Variants in ARHGAP10 observed in about 807,000 individuals in gnomAD.
The protein encoded by ARHGAP10 is Rho GTPase activating protein 10, also known as rho GTPase-activating protein 10.
Under a neutral mutation model 108.6 loss-of-function variants are expected in ARHGAP10, and 87 were observed. The ratio of observed to expected loss-of-function variants is 0.80; its 90% CI spans 0.67 to 0.96. The LOEUF is 0.96. Among genes scored for constraint, ARHGAP10 ranks in the 40% least tolerant of loss-of-function variants. The pLI is 0.00. For synonymous variants in ARHGAP10, 347 were observed against 341.1 expected (o/e 1.02, Z -0.19); for missense variants, 939 against 954.5 (o/e 0.98, Z 0.21).
chr4:148,058,290 G>A (rs1426093778), intron 20 of ARHGAP10, among the ~76,000 whole-genome samples: 1 of 152,094 alleles, frequency 6.6e-6, no homozygotes, highest in African/African-American at 2.4e-5. Context: ...ATCTTTCATT[G>A]CAGTGCAAAC....
intron 11 of ARHGAP10, among the ~76,000 whole-genome samples, chr4:147,908,404 G>C (rs1015602116): frequency 4.6e-5 from 7 of 152,180 alleles, no homozygotes. Context: ...AAATGAGTCT[G>C]TTGGCAATGT....
At chr4:147,894,530 GAGA>G (rs1218757980) in intron 10 of ARHGAP10, among the ~76,000 whole-genome samples, 4 of 152,100 alleles carry the variant, frequency 2.6e-5, no homozygotes, top group African/African-American at 9.7e-5. Context: ...GTCTTTTGAT[GAGA>G]AGAACATTTT....
chr4:147,946,549 G>A (rs756322950), intron 14 of ARHGAP10, 68 bp from the exon 15 acceptor site: 27 of 1,358,116 alleles, frequency 2.0e-5, no homozygotes, highest in Non-Finnish European at 2.6e-5. Context: ...GAAGCTTTGT[G>A]AGCTAGACAA....
At position 147,801,498 on chromosome 4, in the gene ARHGAP10, AGTGAATAACATGCTGTGTTT is replaced by A. The variant is rs1180303394; in HGVS notation, c.155-21226_155-21207del. Among the ~76,000 whole-genome samples, 67 of 152,344 alleles carry A rather than the reference AGTGAATAACATGCTGTGTTT, an allele frequency of 4.4e-4. 2 individuals carry two copies. The East Asian group carries it at 6.0e-3, about 14-fold the overall frequency. On this transcript the variant is annotated intron_variant, in intron 1 of 22. Transcript: ENST00000336498. ...GAATCCAGTGTTCAATTATATTAAG[AGTGAATAACATGCTGTGTTT>A]GTTCCAATTTTAGTATTCATCATTT...
intron 13 of ARHGAP10, among the ~76,000 whole-genome samples, chr4:147,924,309 T>C (rs1474708483): frequency 1.3e-5 from 2 of 152,204 alleles, no homozygotes; most frequent in Non-Finnish European, 2.9e-5. Flanking sequence ...TTTAGGACTG[T>C]TACTACTTTC....
intron 1 of ARHGAP10, among the ~76,000 whole-genome samples, chr4:147,755,917 T>C (rs1729349595): frequency 6.6e-6 from 1 of 152,132 alleles, no homozygotes; most frequent in Non-Finnish European, 1.5e-5. Context: ...CAGTAATGAA[T>C]GTAACAGAAG....
chr4:147,876,445 C>G (rs1017110503), intron 8 of ARHGAP10, among the ~76,000 whole-genome samples: 4 of 151,892 alleles, frequency 2.6e-5, no homozygotes, highest in African/African-American at 9.7e-5. Context: ...TACAAAAAAT[C>G]AGCAGGGCGT....
At chr4:147,814,236 C>T (rs1329055976) in intron 1 of ARHGAP10, among the ~76,000 whole-genome samples, 4 of 151,290 alleles carry the variant, frequency 2.6e-5, no homozygotes, top group East Asian at 1.9e-4. Context: ...TTCTTATCAT[C>T]GTGGCTTGTC....
At chr4:147,811,231 C>T (rs1249037914) in intron 1 of ARHGAP10, among the ~76,000 whole-genome samples, 1 of 152,234 alleles carries the variant, frequency 6.6e-6, no homozygotes, top group Admixed American at 6.5e-5. Context: ...GGGCCCCAGG[C>T]CCCCAGTGTC....
At chr4:147,733,201 T>C (rs569102095) in intron 1 of ARHGAP10, among the ~76,000 whole-genome samples, 2 of 152,268 alleles carry the variant, frequency 1.3e-5, no homozygotes, top group South Asian at 4.1e-4. Context: ...TTCTGTCTCT[T>C]AAACTCGGAA....
chr4:147,769,702 G>A (rs1729995086), intron 1 of ARHGAP10, among the ~76,000 whole-genome samples: 1 of 152,110 alleles, frequency 6.6e-6, no homozygotes, highest in African/African-American at 2.4e-5. Flanking sequence ...TGAAAGTTGG[G>A]CATCTGTTTG....
At chr4:147,945,305 G>C (rs1477377013) in intron 14 of ARHGAP10, among the ~76,000 whole-genome samples, 1 of 149,508 alleles carries the variant, frequency 6.7e-6, no homozygotes, top group Admixed American at 6.6e-5. Flanking sequence ...TTTTTTCCTG[G>C]TGCCATATAC....
intron 1 of ARHGAP10, among the ~76,000 whole-genome samples, chr4:147,782,264 G>A (rs1730565812): frequency 6.6e-6 from 1 of 152,118 alleles, no homozygotes; most frequent in African/African-American, 2.4e-5. Context: ...ATCATGTATT[G>A]GGCGTGTTGA....
chr4:147,876,443 A>G (rs1375001676), intron 8 of ARHGAP10, among the ~76,000 whole-genome samples: 1 of 152,054 alleles, frequency 6.6e-6, no homozygotes, highest in Non-Finnish European at 1.5e-5. Flanking sequence ...AATACAAAAA[A>G]TCAGCAGGGC....
intron 13 of ARHGAP10, among the ~76,000 whole-genome samples, chr4:147,914,915 A>G (rs1164794435): frequency 2.0e-5 from 3 of 152,106 alleles, no homozygotes; most frequent in Non-Finnish European, 2.9e-5. Flanking sequence ...GACTTTGGAG[A>G]TACTAAATAT....
At chr4:147,737,337 T>G (rs1346984504) in intron 1 of ARHGAP10, among the ~76,000 whole-genome samples, 2 of 150,996 alleles carry the variant, frequency 1.3e-5, no homozygotes, top group South Asian at 2.1e-4. Flanking sequence ...TTTTTTTTTT[T>G]TTTTTTGTAA....
intron 13 of ARHGAP10, among the ~76,000 whole-genome samples, chr4:147,936,310 T>G (rs1322170664): frequency 2.1e-5 from 3 of 141,736 alleles, no homozygotes; most frequent in Non-Finnish European, 4.5e-5. Flanking sequence ...CGGCCTCCTT[T>G]TCCTCTCTTT....
At chr4:147,756,689 T>A (rs1356226609) in intron 1 of ARHGAP10, among the ~76,000 whole-genome samples, 1 of 152,190 alleles carries the variant, frequency 6.6e-6, no homozygotes, top group Non-Finnish European at 1.5e-5. Context: ...ATAGTGTATA[T>A]AAGGTTTACA....
At chr4:147,840,902 T>C (rs2126810014) in intron 3 of ARHGAP10, among the ~76,000 whole-genome samples, 1 of 152,380 alleles carries the variant, frequency 6.6e-6, no homozygotes, top group African/African-American at 2.4e-5. Flanking sequence ...AAATACAAGA[T>C]AAGCGTAAGA....
Sources: allele counts gnomAD v4.1 joint callset (sites outside exome capture counted in the v4.1 genomes callset), GRCh38; gene constraint gnomAD v4.1.1; transcripts MANE v1.5; gene names NCBI Gene and HGNC (gene_info 2026-07-23, HGNC 2026-07-21).